The following CDH4 variants were observed in gnomAD, a reference collection of about 807,000 sequenced individuals.
CDH4 encodes the protein cadherin 4, also known as cadherin-4.
In CDH4, 33 loss-of-function variants were observed where a neutral mutation model predicts 86.0. The ratio of observed to expected loss-of-function variants is 0.38; its 90% CI spans 0.29 to 0.51. The LOEUF (loss-of-function observed/expected upper bound fraction) is 0.51. Among genes scored for constraint, CDH4 ranks in the 20% least tolerant of loss-of-function variants. The pLI, the probability that CDH4 is intolerant of heterozygous loss-of-function variation, is 0.86. For synonymous variants in CDH4, 555 were observed against 549.4 expected (o/e 1.01, Z -0.14); for missense variants, 1,114 against 1,307.4 (o/e 0.85, Z 2.28).
chr20:61,872,094 T>C (rs1225601912), intron 6 of CDH4, among the ~76,000 whole-genome samples: 1 of 152,132 alleles, frequency 6.6e-6, no homozygotes, highest in Admixed American at 6.5e-5. Flanking sequence ...AAGCAGTAGC[T>C]TCGGGCTCCT....
rs1393314042 is a variant in CDH4, at chr20:61,694,809, G to A, written c.170-48754G>A. Reference sequence around the variant, plus strand: ...TAGCAGGCGGTTTTCTCCTCTGCACGGGAGCCACCTTCACAAGCCTGCTCT... The same window carrying A: ...TAGCAGGCGGTTTTCTCCTCTGCACAGGAGCCACCTTCACAAGCCTGCTCT... On this transcript the variant is annotated intron_variant, in intron 2 of 15. Transcript: ENST00000614565. 2.6e-5 allele frequency among the ~76,000 whole-genome samples: 4 copies of A among 152,174 alleles called. No homozygotes were observed. In the East Asian group the frequency reaches 5.8e-4, roughly 22 times the overall value.
intron 2 of CDH4, among the ~76,000 whole-genome samples, chr20:61,690,185 G>A (rs1222166154): frequency 3.3e-5 from 5 of 152,090 alleles, no homozygotes; most frequent in Non-Finnish European, 5.9e-5. Flanking sequence ...GGTTGGTGAG[G>A]TGATGTGGAA....
At chr20:61,467,109 C>G (rs2085476631) in intron 2 of CDH4, among the ~76,000 whole-genome samples, 1 of 152,168 alleles carries the variant, frequency 6.6e-6, no homozygotes, top group African/African-American at 2.4e-5. Context: ...CTGTAAACTA[C>G]TGATGAGGAA....
chr20:61,565,331 A>ATGGTGGTGG (rs1232866064), intron 2 of CDH4, among the ~76,000 whole-genome samples: 1 of 16,532 alleles, frequency 6.0e-5, no homozygotes, highest in Non-Finnish European at 1.0e-4. Context: ...GCTCTTGGTG[A>ATGGTGGTGG]TGGTGGTAGT....
rs867984140 is a variant in CDH4 at position 61,653,489 on chromosome 20, C to G, written c.170-90074C>G. ...ACGGGGTCGTGGCCGGGCAGAGGGG[C>G]TCCTCACTTCCCAGTAGGGGCGGCC... On this transcript the variant is annotated intron_variant, in intron 2 of 15. Coordinates refer to ENST00000614565, the MANE Select transcript of CDH4 (RefSeq NM_001794.5). Among the ~76,000 whole-genome samples, 5 of 139,720 alleles carry G rather than the reference C, an allele frequency of 3.6e-5. 2 individuals carry two copies. The highest frequency in any genetic ancestry group is 2.6e-5 in the African/African-American group (1 of 38,904). 91.7% of individuals were successfully genotyped at this position (139,720 alleles called of 152,430 possible).
At chr20:61,437,618 C>G (rs1233753527) in intron 2 of CDH4, 1 of 152,202 alleles carries the variant, frequency 6.6e-6, no homozygotes, top group Non-Finnish European at 1.5e-5. Flanking sequence ...ACAAATGGAT[C>G]GTCAGTGTGT....
chr20:61,892,931 T>C (rs1191615722), intron 7 of CDH4, among the ~76,000 whole-genome samples: 2 of 148,908 alleles, frequency 1.3e-5, no homozygotes, highest in Admixed American at 6.9e-5. Flanking sequence ...GGTGTATGGG[T>C]AGGTAAGTGG....
At chr20:61,532,459 A>C (rs974746997) in intron 2 of CDH4, among the ~76,000 whole-genome samples, 1 of 151,972 alleles carries the variant, frequency 6.6e-6, no homozygotes, top group Non-Finnish European at 1.5e-5. Flanking sequence ...ATCTGACCCC[A>C]CTCCTTATGT....
At chr20:61,906,683 A>G (rs2054792389) in intron 8 of CDH4, among the ~76,000 whole-genome samples, 1 of 150,292 alleles carries the variant, frequency 6.7e-6, no homozygotes, top group South Asian at 2.1e-4. Context: ...TTGGGGCAAG[A>G]CGGTGTCCCC....
intron 2 of CDH4, among the ~76,000 whole-genome samples, chr20:61,626,365 G>A (rs1478604528): frequency 1.3e-5 from 2 of 152,232 alleles, no homozygotes; most frequent in Non-Finnish European, 2.9e-5. Flanking sequence ...TGTCACCTGC[G>A]TTTTCTGTCT....
chr20:61,630,873 G>A (rs2086880841), intron 2 of CDH4, among the ~76,000 whole-genome samples: 1 of 152,182 alleles, frequency 6.6e-6, no homozygotes, highest in African/African-American at 2.4e-5. Context: ...GAGCATGAAC[G>A]GGGCCCTTGC....
chr20:61,693,819 C>T (rs1004307874), intron 2 of CDH4, among the ~76,000 whole-genome samples: 6 of 150,314 alleles, frequency 4.0e-5, no homozygotes, highest in Non-Finnish European at 5.9e-5. Context: ...TTATCAGAAA[C>T]GAATTGTCAC....
At chr20:61,459,179 G>C (rs2085428000) in intron 2 of CDH4, among the ~76,000 whole-genome samples, 1 of 132,618 alleles carries the variant, frequency 7.5e-6, no homozygotes, top group Admixed American at 8.5e-5. Context: ...AGCTTCTTTA[G>C]GGCTTGTGTG....
chr20:61,701,709 C>T (rs963805173), intron 2 of CDH4, among the ~76,000 whole-genome samples: 34 of 152,262 alleles, frequency 2.2e-4, no homozygotes, highest in African/African-American at 8.2e-4. Context: ...AGCTTAGGAG[C>T]TGCAGTTCCT....
intron 2 of CDH4, among the ~76,000 whole-genome samples, chr20:61,536,691 G>A (rs933656731): frequency 5.3e-5 from 8 of 152,234 alleles, no homozygotes; most frequent in South Asian, 2.1e-4. Flanking sequence ...GCATACATAC[G>A]TCTAGGCCTA....
intron 2 of CDH4, chr20:61,370,603 A>G (rs893444351): frequency 6.6e-6 from 1 of 152,238 alleles, no homozygotes; most frequent in African/African-American, 2.4e-5. Context: ...GGCTTTTGAC[A>G]TGCCTGCATT....
At chr20:61,658,262 C>T (rs898781107) in intron 2 of CDH4, among the ~76,000 whole-genome samples, 1 of 151,980 alleles carries the variant, frequency 6.6e-6, no homozygotes, top group African/African-American at 2.4e-5. Context: ...GCACCTGCAA[C>T]CCCCGAGTCA....
At chr20:61,409,736 A>G (rs962282413) in intron 2 of CDH4, among the ~76,000 whole-genome samples, 1 of 152,262 alleles carries the variant, frequency 6.6e-6, no homozygotes, top group African/African-American at 2.4e-5. Context: ...CTGGAATGCC[A>G]TTTATTTTCT....
intron 2 of CDH4, among the ~76,000 whole-genome samples, chr20:61,674,315 A>G (rs891723058): frequency 2.6e-5 from 4 of 152,206 alleles, no homozygotes; most frequent in African/African-American, 9.6e-5. Context: ...CAGGAGTCAC[A>G]GCATGTTGTG....
Sources: allele counts gnomAD v4.1 joint callset (sites outside exome capture counted in the v4.1 genomes callset), GRCh38; gene constraint gnomAD v4.1.1; transcripts MANE v1.5; gene names NCBI Gene and HGNC (gene_info 2026-07-23, HGNC 2026-07-21).